CNTN5: variants seen among roughly 807,000 people sequenced by gnomAD.
The protein encoded by CNTN5 is contactin 5.
A neutral mutation model predicts 129.1 loss-of-function variants in CNTN5; 77 were observed. The ratio of observed to expected loss-of-function variants is 0.60; its 90% confidence interval spans 0.50 to 0.72. CNTN5 has a LOEUF of 0.72. CNTN5 is among the 30% of genes least tolerant of loss of function. The pLI, the probability that CNTN5 is intolerant of heterozygous loss-of-function variation, is 0.00. For missense variants in CNTN5, 1,478 were observed against 1,328.8 expected (o/e 1.11, Z -1.75); for synonymous variants, 509 against 465.6 (o/e 1.09, Z -1.20).
chr11:99,894,939 A>G (rs1390761480), intron 6 of CNTN5, among the ~76,000 whole-genome samples: 2 of 152,210 alleles, frequency 1.3e-5, no homozygotes, highest in African/African-American at 4.8e-5. Flanking sequence ...CTACTGCCCA[A>G]AGTCACCAGA....
At chr11:100,275,493 A>G (rs1031121415) in intron 18 of CNTN5, among the ~76,000 whole-genome samples, 6 of 152,264 alleles carry the variant, frequency 3.9e-5, no homozygotes, top group Admixed American at 6.5e-5. Context: ...CTCTATAAAT[A>G]TTCATTTCAA....
At chr11:99,478,106 A>G (rs1352337609) in intron 2 of CNTN5, among the ~76,000 whole-genome samples, 1 of 152,082 alleles carries the variant, frequency 6.6e-6, no homozygotes, top group Admixed American at 6.6e-5. Context: ...TCACAAACTT[A>G]GTGGCTTAAA....
intron 8 of CNTN5, among the ~76,000 whole-genome samples, chr11:99,979,559 A>G (rs1938207811): frequency 1.3e-5 from 2 of 152,258 alleles, no homozygotes; most frequent in South Asian, 4.1e-4. Context: ...ATACATGTAT[A>G]TGGAGGGGAG....
chr11:99,575,253 T>G lies in CNTN5; in HGVS notation c.55+18984T>G, dbSNP rs75717598. On this transcript the variant is annotated intron_variant, in intron 3 of 24. Transcript: ENST00000524871. ...AATCCCCCTTAAATATTCAGAAAAT[T>G]TGATACTTAAAGAAAGTTAAGAGAA... Among the ~76,000 whole-genome samples, 667 of 152,240 alleles carry G rather than the reference T, an allele frequency of 4.4e-3. 28 individuals are homozygous for G. In the East Asian group the frequency reaches 0.097, roughly 22 times the overall value.
At chr11:99,158,771 CT>C (rs558869492) in intron 1 of CNTN5, among the ~76,000 whole-genome samples, 88 of 152,140 alleles carry the variant, frequency 5.8e-4, no homozygotes, top group African/African-American at 2.1e-3. Flanking sequence ...AACAGTATAT[CT>C]TGTGTAATTC....
intron 3 of CNTN5, among the ~76,000 whole-genome samples, chr11:99,667,136 A>G (rs1247167585): frequency 6.6e-6 from 1 of 152,052 alleles, no homozygotes; most frequent in Non-Finnish European, 1.5e-5. Flanking sequence ...TGGATTTAAC[A>G]TATTTTATCC....
At chr11:99,464,218 C>T (rs1432257060) in intron 2 of CNTN5, among the ~76,000 whole-genome samples, 1 of 152,106 alleles carries the variant, frequency 6.6e-6, no homozygotes, top group Non-Finnish European at 1.5e-5. Context: ...TCTTATGCTG[C>T]CTTTGAACGT....
chr11:99,987,550 C>A (rs1938771710), intron 8 of CNTN5, among the ~76,000 whole-genome samples: 2 of 144,962 alleles, frequency 1.4e-5, no homozygotes, highest in Admixed American at 1.4e-4. Flanking sequence ...TATACACATA[C>A]ACACACACAC....
At chr11:99,780,093 T>C (rs548146102) in intron 3 of CNTN5, among the ~76,000 whole-genome samples, 2 of 152,130 alleles carry the variant, frequency 1.3e-5, no homozygotes, top group East Asian at 2.0e-4. Flanking sequence ...CTTAAAAATG[T>C]TTTGGCAACG....
intron 2 of CNTN5, among the ~76,000 whole-genome samples, chr11:99,469,166 C>A (rs1051172764): frequency 6.6e-6 from 1 of 151,948 alleles, no homozygotes; most frequent in Non-Finnish European, 1.5e-5. Context: ...ATAGAAATGA[C>A]CATATTTAAA....
chr11:99,920,567 G>T (rs1565678715), intron 7 of CNTN5, among the ~76,000 whole-genome samples: 2 of 152,002 alleles, frequency 1.3e-5, no homozygotes, highest in Non-Finnish European at 2.9e-5. Context: ...TCTATTAATA[G>T]AAATTTCATT....
intron 3 of CNTN5, among the ~76,000 whole-genome samples, chr11:99,629,149 C>G (rs1006837189): frequency 8.6e-5 from 13 of 151,980 alleles, no homozygotes; most frequent in Non-Finnish European, 1.3e-4. Context: ...AAGCTTATTA[C>G]TGTTAGCATA....
intron 3 of CNTN5, among the ~76,000 whole-genome samples, chr11:99,805,713 A>C (rs1036957709): frequency 1.3e-5 from 2 of 152,294 alleles, no homozygotes; most frequent in Non-Finnish European, 2.9e-5. Context: ...ACATGCTAGC[A>C]AGCAAAAATA....
intron 9 of CNTN5, among the ~76,000 whole-genome samples, chr11:100,044,815 T>C (rs1942581815): frequency 1.3e-5 from 2 of 152,078 alleles, no homozygotes; most frequent in Non-Finnish European, 2.9e-5. Context: ...ATTTCGTTGA[T>C]CTTCATTTTT....
rs144726672 is a variant in CNTN5, at chr11:100,319,632, T to C, written c.2730+11164T>C. Among the ~76,000 whole-genome samples, 32 of 152,322 alleles carry C rather than the reference T, an allele frequency of 2.1e-4. No homozygotes were observed. The East Asian group carries it at 5.6e-3, about 27-fold the overall frequency. On this transcript the variant is annotated intron_variant, in intron 21 of 24. Transcript: ENST00000524871. ...TTTTTAGAGAATGCAATATATTAAT[T>C]AGAGTCACAATGTTGAGCTTATTGA...
chr11:99,084,127 G>A (rs918146735), intron 1 of CNTN5, among the ~76,000 whole-genome samples: 1 of 152,148 alleles, frequency 6.6e-6, no homozygotes, highest in African/African-American at 2.4e-5. Context: ...CTACACTTGA[G>A]CATAAATAAA....
chr11:99,323,036 G>A (rs1041709222), intron 1 of CNTN5, among the ~76,000 whole-genome samples: 3 of 152,076 alleles, frequency 2.0e-5, no homozygotes, highest in African/African-American at 7.2e-5. Context: ...TCAAAGAAAT[G>A]GAGAGAAAAA....
At chr11:100,276,571 T>C (rs548600492) in intron 18 of CNTN5, among the ~76,000 whole-genome samples, 2 of 147,200 alleles carry the variant, frequency 1.4e-5, no homozygotes, top group African/African-American at 2.5e-5. Flanking sequence ...ACACTCTTGA[T>C]AGTCAGCAAA....
At chr11:99,619,258 TC>T (rs1950855527) in intron 3 of CNTN5, among the ~76,000 whole-genome samples, 1 of 152,042 alleles carries the variant, frequency 6.6e-6, no homozygotes. Context: ...TAATTGGAGA[TC>T]AATAGAGCCT....
Sources: allele counts gnomAD v4.1 joint callset (sites outside exome capture counted in the v4.1 genomes callset), GRCh38; gene constraint gnomAD v4.1.1; transcripts MANE v1.5; gene names NCBI Gene and HGNC (gene_info 2026-07-23, HGNC 2026-07-21).